Variants in TRAPPC9 observed in about 807,000 individuals in gnomAD.
The protein encoded by TRAPPC9 is trafficking protein particle complex subunit 9, also known as IKK2 binding protein.
In TRAPPC9, 83 loss-of-function variants were observed where a neutral mutation model predicts 124.0. The observed-to-expected ratio is 0.67, with a 90% CI of 0.56 to 0.80. TRAPPC9 has a LOEUF of 0.80. TRAPPC9 is among the 30% of genes least tolerant of loss of function. The probability of loss-of-function intolerance (pLI) is 0.00; values close to 1 mark genes in which losing one functional copy is unlikely to be tolerated. For synonymous variants in TRAPPC9, 638 were observed against 617.5 expected (o/e 1.03, Z -0.49); for missense variants, 1,302 against 1,508.3 (o/e 0.86, Z 2.27).
intron 21 of TRAPPC9, among the ~76,000 whole-genome samples, chr8:139,862,647 C>G (rs1828243865): frequency 6.6e-6 from 1 of 152,246 alleles, no homozygotes; most frequent in Non-Finnish European, 1.5e-5. Flanking sequence ...GCTACCAGAC[C>G]TCTCTTCCTT....
intron 15 of TRAPPC9, among the ~76,000 whole-genome samples, chr8:140,271,175 G>C (rs886948901): frequency 6.6e-6 from 1 of 152,168 alleles, no homozygotes; most frequent in Non-Finnish European, 1.5e-5. Flanking sequence ...AATTAATTAA[G>C]TTCAGAGTAC....
chr8:139,852,913 A>C (rs1827577729), intron 21 of TRAPPC9, among the ~76,000 whole-genome samples: 1 of 152,214 alleles, frequency 6.6e-6, no homozygotes, highest in Non-Finnish European at 1.5e-5. Flanking sequence ...TCTTGGAGGT[A>C]GGCAGAGCAA....
chr8:140,378,022 T>G (rs1333578068), intron 7 of TRAPPC9, among the ~76,000 whole-genome samples: 2 of 152,124 alleles, frequency 1.3e-5, no homozygotes, highest in Admixed American at 6.5e-5. Context: ...GCAGTGTATT[T>G]GGGGTCTAAC....
chr8:140,105,091 C>T (rs1055435589), intron 17 of TRAPPC9, among the ~76,000 whole-genome samples: 7 of 152,202 alleles, frequency 4.6e-5, no homozygotes, highest in African/African-American at 1.7e-4. Flanking sequence ...CCTGGTCCAT[C>T]CTCTTCTACC....
At chr8:139,874,500 G>A (rs1225908708) in intron 21 of TRAPPC9, among the ~76,000 whole-genome samples, 3 of 152,244 alleles carry the variant, frequency 2.0e-5, no homozygotes, top group Non-Finnish European at 4.4e-5. Flanking sequence ...GGGCCCAGGC[G>A]AGGCACAAAC....
At chr8:139,833,776 T>C (rs1469686585) in intron 21 of TRAPPC9, among the ~76,000 whole-genome samples, 4 of 152,194 alleles carry the variant, frequency 2.6e-5, no homozygotes, top group Non-Finnish European at 4.4e-5. Flanking sequence ...GTGCCCGTCA[T>C]TGGACTGACT....
chr8:140,334,179 T>C (rs1204436058), intron 9 of TRAPPC9, among the ~76,000 whole-genome samples: 5 of 152,208 alleles, frequency 3.3e-5, no homozygotes, highest in Non-Finnish European at 4.4e-5. Flanking sequence ...TCATATTCAT[T>C]TGACAAACAA....
intron 21 of TRAPPC9, among the ~76,000 whole-genome samples, chr8:139,760,917 G>C (rs1014064670): frequency 1.3e-5 from 2 of 152,136 alleles, no homozygotes; most frequent in Non-Finnish European, 2.9e-5. Context: ...ATGAGATTTG[G>C]GTGGGGACAC....
chr8:139,812,953 G>C (rs192905907), intron 21 of TRAPPC9, among the ~76,000 whole-genome samples: 3 of 152,362 alleles, frequency 2.0e-5, no homozygotes, highest in Middle Eastern at 3.4e-3. Flanking sequence ...GCTGCTAGAA[G>C]GTTCTAGAGC....
chr8:139,861,627 T>C (rs1828163722), intron 21 of TRAPPC9, among the ~76,000 whole-genome samples: 1 of 152,066 alleles, frequency 6.6e-6, no homozygotes, highest in African/African-American at 2.4e-5. Context: ...GAAAAGAAAC[T>C]TGGGGTTCAC....
chr8:139,835,649 T>C (rs876745), intron 21 of TRAPPC9, among the ~76,000 whole-genome samples: 60,245 of 152,126 alleles, frequency 0.4, 16,288 homozygotes, highest in African/African-American at 0.77. Flanking sequence ...CAAGAGACAC[T>C]GCTGCCAAAT....
intron 21 of TRAPPC9, among the ~76,000 whole-genome samples, chr8:139,777,811 A>G (rs547732048): frequency 9.8e-5 from 15 of 152,328 alleles, no homozygotes; most frequent in African/African-American, 3.6e-4. Context: ...GACACAAATG[A>G]AGTGAGCCCT....
At chr8:140,082,180 T>C (rs1843867338) in intron 17 of TRAPPC9, 1 of 152,218 alleles carries the variant, frequency 6.6e-6, no homozygotes, top group Admixed American at 6.5e-5. Context: ...GAAAGCCACA[T>C]GTTTCTGTTA....
At chr8:140,381,204 CAA>C (rs35624592) in intron 7 of TRAPPC9, among the ~76,000 whole-genome samples, 141 of 109,146 alleles carry the variant, frequency 1.3e-3, no homozygotes, top group East Asian at 1.9e-3. Context: ...AACTCCATCT[CAA>C]AAAAAAAAAA....
rs981209361 is a variant in TRAPPC9, at chr8:140,353,548, G to T, written c.1495+6502C>A. Among the ~76,000 whole-genome samples, 1 of 152,184 alleles carries T rather than the reference G, an allele frequency of 6.6e-6. No homozygotes were observed. The highest frequency in any genetic ancestry group is 1.5e-5 in the Non-Finnish European group (1 of 68,038). On this transcript the variant is annotated intron_variant, in intron 9 of 22. Transcript: ENST00000438773. The surrounding 1 kb of genome is among the most constrained non-coding windows in gnomAD (Gnocchi z 4.2). ...GTGTTCCCTTTTTAAGCTACGTGATGTGAAAGCCGCGAGTCTTTTTTATTT... is the reference window on the plus strand; with the variant it reads ...GTGTTCCCTTTTTAAGCTACGTGATTTGAAAGCCGCGAGTCTTTTTTATTT...
intron 19 of TRAPPC9, among the ~76,000 whole-genome samples, chr8:139,915,368 T>A (rs189510141): frequency 2.0e-5 from 3 of 152,166 alleles, no homozygotes; most frequent in African/African-American, 7.2e-5. Context: ...TGCCTCAGCC[T>A]CCCGAGTAGC....
intron 17 of TRAPPC9, among the ~76,000 whole-genome samples, chr8:140,160,656 G>T (rs1192569732): frequency 6.7e-6 from 1 of 149,568 alleles, no homozygotes; most frequent in Non-Finnish European, 1.5e-5. Flanking sequence ...GGGGTGGGGG[G>T]CTGGGGGAGG....
At chr8:139,786,200 T>G (rs753347740) in intron 21 of TRAPPC9, among the ~76,000 whole-genome samples, 3 of 152,136 alleles carry the variant, frequency 2.0e-5, no homozygotes, top group Admixed American at 2.0e-4. Context: ...AGAGCGAGAC[T>G]CTGTCTCAAA....
chr8:140,264,873 C>T (rs1003160342), intron 15 of TRAPPC9, among the ~76,000 whole-genome samples: 9 of 152,138 alleles, frequency 5.9e-5, no homozygotes, highest in African/African-American at 9.7e-5. Context: ...GAGACAGGAG[C>T]GTGTGTTCTG....
Sources: allele counts gnomAD v4.1 joint callset (sites outside exome capture counted in the v4.1 genomes callset), GRCh38; gene constraint gnomAD v4.1.1; non-coding constraint Gnocchi (gnomAD v3.1); transcripts MANE v1.5; gene names NCBI Gene and HGNC (gene_info 2026-07-23, HGNC 2026-07-21).